NPAS3: variants seen among roughly 807,000 people sequenced by gnomAD.
The protein encoded by NPAS3 is neuronal PAS domain protein 3.
Under a neutral mutation model 73.1 loss-of-function variants are expected in NPAS3, and 14 were observed. That is an observed-to-expected ratio of 0.19 (90% CI 0.13 to 0.30). The LOEUF (loss-of-function observed/expected upper bound fraction) is 0.30, where lower values mean the gene tolerates loss of function less well. Among genes scored for constraint, NPAS3 ranks in the 10% least tolerant of loss-of-function variants. The pLI is 1.00. For synonymous variants in NPAS3, 620 were observed against 541.5 expected (o/e 1.14, Z -2.01); for missense variants, 1,096 against 1,250.0 (o/e 0.88, Z 1.86).
At chr14:33,517,478 A>G (rs1402317874) in intron 4 of NPAS3, among the ~76,000 whole-genome samples, 1 of 152,092 alleles carries the variant, frequency 6.6e-6, no homozygotes, top group Non-Finnish European at 1.5e-5. Context: ...GCCTGACAAT[A>G]TAGCAATGGA....
chr14:33,584,096 A>G (rs2056775756), intron 5 of NPAS3, among the ~76,000 whole-genome samples: 2 of 152,232 alleles, frequency 1.3e-5, no homozygotes, highest in Non-Finnish European at 2.9e-5. Context: ...ATGTATTTTC[A>G]TATTATATTT....
chr14:33,604,560 G>A (rs2057498019), intron 5 of NPAS3, among the ~76,000 whole-genome samples: 1 of 152,050 alleles, frequency 6.6e-6, no homozygotes, highest in Non-Finnish European at 1.5e-5. Context: ...CAGAAAGTCA[G>A]TAAAGATATA....
intron 4 of NPAS3, among the ~76,000 whole-genome samples, chr14:33,389,499 C>T (rs1314484449): frequency 1.3e-5 from 2 of 152,140 alleles, no homozygotes; most frequent in African/African-American, 4.8e-5. Context: ...GAACTAGACA[C>T]TTAGGTTTTA....
chr14:33,544,131 T>C (rs1380119011), intron 4 of NPAS3, among the ~76,000 whole-genome samples: 1 of 151,758 alleles, frequency 6.6e-6, no homozygotes, highest in Non-Finnish European at 1.5e-5. Flanking sequence ...AAAATCTTTT[T>C]ATGATTTGGG....
At chr14:33,288,419 C>T (rs976703265) in intron 3 of NPAS3, among the ~76,000 whole-genome samples, 14 of 151,910 alleles carry the variant, frequency 9.2e-5, no homozygotes, top group African/African-American at 3.1e-4. Context: ...TTGGAATGGG[C>T]GAGCATGTTC....
At chr14:33,621,827 T>C (rs907860949) in intron 5 of NPAS3, among the ~76,000 whole-genome samples, 5 of 152,106 alleles carry the variant, frequency 3.3e-5, no homozygotes, top group Non-Finnish European at 7.4e-5. Flanking sequence ...TTTGAAGCAG[T>C]CAAGTTTTAG....
At chr14:33,156,867 C>T (rs563376044) in intron 2 of NPAS3, among the ~76,000 whole-genome samples, 22 of 152,184 alleles carry the variant, frequency 1.4e-4, no homozygotes, top group African/African-American at 5.3e-4. Context: ...ATATATTTCG[C>T]AATGAGCTCA....
upstream of NPAS3, among the ~76,000 whole-genome samples, chr14:32,935,938 G>C (rs751794471): frequency 6.6e-6 from 1 of 152,114 alleles, no homozygotes; most frequent in South Asian, 2.1e-4. Context: ...AAAGATGGAA[G>C]AAAAAAGAAC....
rs181492196 is a variant in NPAS3 at position 33,194,544 on chromosome 14, A to G, written c.141-20638A>G. On this transcript the variant is annotated intron_variant, in intron 2 of 11. Transcript: ENST00000356141. ...GTTGAAAGGAGATTTCACTTTTAACATGTGGTCCACATGGTTTGTTGCCTT... is the reference window on the plus strand; with the variant it reads ...GTTGAAAGGAGATTTCACTTTTAACGTGTGGTCCACATGGTTTGTTGCCTT... Among the ~76,000 whole-genome samples, 725 of 152,310 alleles carry G rather than the reference A, an allele frequency of 4.8e-3. 2 individuals carry two copies. The highest frequency in any genetic ancestry group is 0.014 in the South Asian group (69 of 4,826).
chr14:33,624,078 CT>C (rs2058156402), intron 5 of NPAS3, among the ~76,000 whole-genome samples: 1 of 152,210 alleles, frequency 6.6e-6, no homozygotes, highest in South Asian at 2.1e-4. Flanking sequence ...CCCAAGCTCC[CT>C]GACACCCCTA....
chr14:33,404,253 G>A (rs984997618), intron 4 of NPAS3, among the ~76,000 whole-genome samples: 4 of 152,052 alleles, frequency 2.6e-5, no homozygotes, highest in South Asian at 2.1e-4. Flanking sequence ...GCTATACTAC[G>A]TGTGGTAGGA....
chr14:33,530,915 G>A (rs79726460), intron 4 of NPAS3, among the ~76,000 whole-genome samples: 2 of 152,032 alleles, frequency 1.3e-5, no homozygotes, highest in African/African-American at 4.8e-5. Flanking sequence ...ATCAGAGTGG[G>A]GTGAGGAACT....
chr14:33,653,740 A>T (rs1190912301), intron 5 of NPAS3, among the ~76,000 whole-genome samples: 1 of 152,220 alleles, frequency 6.6e-6, no homozygotes, highest in Admixed American at 6.5e-5. Flanking sequence ...GTTCCCTGAA[A>T]AGACAGCTCA....
Position 33,263,082 on chromosome 14 carries a change from T to C in NPAS3, c.385+47656T>C, listed in dbSNP as rs192286674. Among the ~76,000 whole-genome samples, 1,166 of 152,322 alleles carry C rather than the reference T, an allele frequency of 7.7e-3. 11 individuals carry two copies. The highest frequency in any genetic ancestry group is 0.027 in the African/African-American group (1,116 of 41,578). On this transcript the variant is annotated intron_variant, in intron 3 of 11. Transcript: ENST00000356141. ...CATTCTATAGGTTGCCTGTTCACTC[T>C]GATGGTAGTTTCTTTTGCTGTGCAG...
chr14:33,715,663 G>A (rs1185350614), intron 6 of NPAS3, among the ~76,000 whole-genome samples: 1 of 152,102 alleles, frequency 6.6e-6, no homozygotes, highest in African/African-American at 2.4e-5. Flanking sequence ...ACAAGTCTGG[G>A]CCTCAGTAAA....
chr14:33,655,787 C>A (rs2059129132), intron 5 of NPAS3, among the ~76,000 whole-genome samples: 1 of 151,764 alleles, frequency 6.6e-6, no homozygotes, highest in Non-Finnish European at 1.5e-5. Flanking sequence ...GAACTTGTAC[C>A]CCCTCATATC....
intron 3 of NPAS3, among the ~76,000 whole-genome samples, chr14:33,259,924 C>T (rs1594534112): frequency 6.6e-6 from 1 of 151,280 alleles, no homozygotes; most frequent in African/African-American, 2.4e-5. Context: ...TTGACTCACT[C>T]AGTGGGGATA....
chr14:32,940,329 T>C (rs928953576), intron 1 of NPAS3, among the ~76,000 whole-genome samples: 2 of 152,198 alleles, frequency 1.3e-5, no homozygotes, highest in Admixed American at 1.3e-4. Context: ...GTGAGTAGCA[T>C]TGATAGATTT....
At chr14:33,015,352 A>G (rs2039351755) in intron 1 of NPAS3, among the ~76,000 whole-genome samples, 1 of 152,182 alleles carries the variant, frequency 6.6e-6, no homozygotes, top group South Asian at 2.1e-4. Context: ...GAAGAAAATA[A>G]AAATAAGCAA....
Sources: gnomAD v4.1 joint callset for allele counts (sites outside exome capture counted in the v4.1 genomes callset) on GRCh38, gnomAD v4.1.1 for gene constraint, MANE v1.5 for transcripts, NCBI Gene and HGNC (gene_info 2026-07-23, HGNC 2026-07-21) for gene names.